The following RSBN1L variants were observed in gnomAD, a reference collection of about 807,000 sequenced individuals.
RSBN1L encodes the protein round spermatid basic protein 1 like, also known as lysine-specific demethylase RSBN1L.
A neutral mutation model predicts 67.7 loss-of-function variants in RSBN1L; 30 were observed. That is an observed-to-expected ratio of 0.44 (90% CI 0.33 to 0.60). The LOEUF is 0.60. Ranked by LOEUF, RSBN1L falls within the 20% of genes least tolerant of loss-of-function variation. The pLI is 0.02. For synonymous variants in RSBN1L, 433 were observed against 387.0 expected (o/e 1.12, Z -1.39); for missense variants, 992 against 1,031.7 (o/e 0.96, Z 0.53).
chr7:77,755,742 A>G (rs1455827395), intron 3 of RSBN1L, among the ~76,000 whole-genome samples: 1 of 152,202 alleles, frequency 6.6e-6, no homozygotes, highest in African/African-American at 2.4e-5. Context: ...AAGCTGAACC[A>G]TCTTAAGTCC....
intron 1 of RSBN1L, among the ~76,000 whole-genome samples, chr7:77,699,688 A>G (rs535609614): frequency 6.6e-6 from 1 of 152,340 alleles, no homozygotes; most frequent in African/African-American, 2.4e-5. Flanking sequence ...ATGCCTCACA[A>G]TCTCTAAGGC....
intron 1 of RSBN1L, among the ~76,000 whole-genome samples, chr7:77,717,604 A>T (rs555142207): frequency 6.6e-6 from 1 of 152,338 alleles, no homozygotes; most frequent in South Asian, 2.1e-4. Context: ...ATCGATAAAT[A>T]CAATTTCTGC....
chr7:77,734,982 T>A (rs1299088622), intron 1 of RSBN1L, among the ~76,000 whole-genome samples: 1 of 152,090 alleles, frequency 6.6e-6, no homozygotes, highest in African/African-American at 2.4e-5. Flanking sequence ...TTTCTTGTAC[T>A]CAGACTGTGT....
intron 2 of RSBN1L, among the ~76,000 whole-genome samples, chr7:77,748,705 G>A (rs917757695): frequency 2.6e-5 from 4 of 151,898 alleles, no homozygotes; most frequent in African/African-American, 9.7e-5. Flanking sequence ...GGGTGGTCTC[G>A]AACTCCTGAC....
At chr7:77,700,179 G>C (rs1436790704) in intron 1 of RSBN1L, among the ~76,000 whole-genome samples, 1 of 152,162 alleles carries the variant, frequency 6.6e-6, no homozygotes, top group African/African-American at 2.4e-5. Context: ...CAATATTCCT[G>C]TAAGACTGAA....
chr7:77,774,666 G>A (rs1398373268), intron 6 of RSBN1L, among the ~76,000 whole-genome samples: 4 of 152,214 alleles, frequency 2.6e-5, no homozygotes, highest in Non-Finnish European at 5.9e-5. Flanking sequence ...GAACCCAGGA[G>A]GCAGAGGTTG....
rs1584309108 is a variant in RSBN1L at position 77,780,309 on chromosome 7, T to C, written c.*1141T>C. On this transcript the variant is annotated 3_prime_UTR_variant, in exon 8 of 8. Coordinates refer to ENST00000334955, the MANE Select transcript of RSBN1L (RefSeq NM_198467.3). Reference sequence around the variant, plus strand: ...CCAAAATACATTGAAAAAAGTTTTATATTAAACTATTAAGAAAGCAGTTTA... The same window carrying C: ...CCAAAATACATTGAAAAAAGTTTTACATTAAACTATTAAGAAAGCAGTTTA... 1 of 152,194 alleles carries C rather than the reference T, an allele frequency of 6.6e-6. No homozygotes were observed. The highest frequency in any genetic ancestry group is 1.9e-4 in the East Asian group (1 of 5,202). The allele number at this position is 152,194 out of a possible 1,614,324, so 9.4% of individuals were successfully genotyped here.
chr7:77,749,589 A>C lies in RSBN1L; in HGVS notation c.869A>C (p.Gln290Pro). 4.3e-6 allele frequency: 7 copies of C among 1,613,986 alleles called. No individual in the cohort carries two copies. The highest frequency in any genetic ancestry group is 5.9e-6 in the Non-Finnish European group (7 of 1,179,990). ...GGATTGCTAACTGATGTTGAAGATC[A>C]AGCAGCCAAAGGCATCCTAAATGAT... Reference protein sequence around the residue: ...CSGLLTDVEDQAAKGILNDNI... With the variant: ...CSGLLTDVEDPAAKGILNDNI... Residue 290 changes from glutamine to proline, a missense_variant, in exon 3 of 8, where the codon CAA becomes CCA. Gln to Pro is a moderately conservative substitution (Grantham distance 76, BLOSUM62 -1). Transcript: ENST00000334955.
Position 77,749,517 on chromosome 7 carries a change from G to A in RSBN1L, c.797G>A (p.Arg266Gln), listed in dbSNP as rs200530751. The A allele has an allele frequency of 2.7e-5, 44 of 1,607,890 alleles. 1 individual carries two copies. The African/African-American group carries it at 4.0e-4, about 15-fold the overall frequency. ...KKKKHKENEK[R>Q]KRPKMYSKSI... ...AAGAAACACAAAGAGAATGAAAAAC[G>A]GAAGCGTCCGAAAATGTATAGCAAA... The change falls in exon 3 of 8, where the codon CGG becomes CAG. Residue 266 changes from arginine (R) to glutamine (Q), a missense_variant. Transcript: ENST00000334955.
intron 6 of RSBN1L, among the ~76,000 whole-genome samples, chr7:77,776,422 A>G (rs1045962549): frequency 5.3e-5 from 8 of 152,142 alleles, no homozygotes; most frequent in African/African-American, 7.2e-5. Context: ...CACCTCCCCA[A>G]TTCTCCATCT....
chr7:77,749,131 G>C (rs897181997), intron 2 of RSBN1L, among the ~76,000 whole-genome samples: 3 of 152,120 alleles, frequency 2.0e-5, no homozygotes, highest in Non-Finnish European at 4.4e-5. Context: ...ACGCGCTCCT[G>C]TAATCCCAGC....
chr7:77,731,082 G>A (rs1281518263), intron 1 of RSBN1L, among the ~76,000 whole-genome samples: 1 of 152,204 alleles, frequency 6.6e-6, no homozygotes, highest in African/African-American at 2.4e-5. Context: ...TAGGTGTGTA[G>A]TGGTATCTCA....
chr7:77,700,063 G>C (rs1189070161), intron 1 of RSBN1L, among the ~76,000 whole-genome samples: 1 of 152,130 alleles, frequency 6.6e-6, no homozygotes, highest in African/African-American at 2.4e-5. Context: ...CCAAAGTGCT[G>C]AGATTACAGG....
intron 1 of RSBN1L, among the ~76,000 whole-genome samples, chr7:77,705,657 G>A (rs776950248): frequency 4.0e-5 from 6 of 151,744 alleles, no homozygotes; most frequent in African/African-American, 7.3e-5. Flanking sequence ...GATTACGGGC[G>A]CATGCCACCA....
chr7:77,774,598 G>A (rs943113198), intron 6 of RSBN1L, among the ~76,000 whole-genome samples: 3 of 152,184 alleles, frequency 2.0e-5, no homozygotes, highest in South Asian at 4.1e-4. Context: ...TTAGCTGGCC[G>A]TGGTGGCACG....
At chr7:77,757,483 A>G (rs1172853539) in intron 3 of RSBN1L, among the ~76,000 whole-genome samples, 2 of 152,238 alleles carry the variant, frequency 1.3e-5, no homozygotes, top group Non-Finnish European at 2.9e-5. Context: ...AAACATATGC[A>G]TGGACTTTTC....
chr7:77,749,625 A>G lies in RSBN1L; in HGVS notation c.905A>G (p.Asp302Gly), dbSNP rs747984423. Residue 302 changes from aspartate to glycine, a missense_variant, in exon 3 of 8, where the codon GAT becomes GGT. Asp to Gly is a moderately conservative substitution (Grantham distance 94). Around this residue, in one of 7 missense-constraint regions of RSBN1L, gnomAD observed 575 missense variants for 483.2 expected, o/e 1.19. Transcript: ENST00000334955. ...AKGILNDNIK[D>G]YVGKNLDTKN... ...GGCATCCTAAATGATAACATAAAAGATTACGTTGGGAAGAATTTGGATACC... is the reference window on the plus strand; with the variant it reads ...GGCATCCTAAATGATAACATAAAAGGTTACGTTGGGAAGAATTTGGATACC... 1 of 1,613,978 alleles carries G rather than the reference A, an allele frequency of 6.2e-7. No homozygotes were observed.
intron 1 of RSBN1L, among the ~76,000 whole-genome samples, chr7:77,735,092 G>T (rs946985034): frequency 2.6e-5 from 4 of 151,014 alleles, no homozygotes; most frequent in African/African-American, 9.7e-5. Context: ...AGTGTTATAG[G>T]TGAAAGTAAT....
chr7:77,781,459 A>C lies in RSBN1L; in HGVS notation c.*2291A>C, dbSNP rs762019522. The C allele has an allele frequency of 1.3e-5, 2 of 152,336 alleles. 1 individual carries two copies. The highest frequency in any genetic ancestry group is 4.1e-4 in the South Asian group (2 of 4,830). 9.4% of individuals were successfully genotyped at this position (152,336 alleles called of 1,614,324 possible). ...TTTCTCTTTAAAGTTGAAGAATGAT[A>C]TATTTAACAAGAGTTGTGTTTTATT... On this transcript the variant is annotated 3_prime_UTR_variant, in exon 8 of 8. Coordinates refer to ENST00000334955, the MANE Select transcript of RSBN1L (RefSeq NM_198467.3).
Sources: gnomAD v4.1 joint callset for allele counts (sites outside exome capture counted in the v4.1 genomes callset) on GRCh38, gnomAD v4.1.1 for gene constraint, gnomAD v4.1.1 regional missense constraint, MANE v1.5 for transcripts, NCBI Gene and HGNC (gene_info 2026-07-23, HGNC 2026-07-21) for gene names.